The following L3MBTL3 variants were observed in gnomAD, a reference collection of about 807,000 sequenced individuals.
L3MBTL3 encodes lethal(3)malignant brain tumor-like protein 3.
Under a neutral mutation model 102.3 loss-of-function variants are expected in L3MBTL3, and 27 were observed. The ratio of observed to expected loss-of-function variants is 0.26; its 90% confidence interval spans 0.19 to 0.36. L3MBTL3 has a LOEUF of 0.36. Among genes scored for constraint, L3MBTL3 ranks in the 10% least tolerant of loss-of-function variants. The pLI, the probability that L3MBTL3 is intolerant of heterozygous loss-of-function variation, is 1.00. For synonymous variants in L3MBTL3, 340 were observed against 320.9 expected (o/e 1.06, Z -0.64); for missense variants, 798 against 955.3 (o/e 0.84, Z 2.17).
At chr6:130,113,199 C>G (rs1785458784) in intron 19 of L3MBTL3, among the ~76,000 whole-genome samples, 1 of 152,178 alleles carries the variant, frequency 6.6e-6, no homozygotes, top group Non-Finnish European at 1.5e-5. Context: ...TGAGGCACTG[C>G]TCCCGGAGGT....
intron 22 of L3MBTL3, chr6:130,138,291 C>T (rs1033657308): frequency 1.3e-5 from 2 of 152,150 alleles, no homozygotes; most frequent in South Asian, 2.1e-4. Context: ...AGAAATGCAT[C>T]GTCTCACAGT....
intron 3 of L3MBTL3, among the ~76,000 whole-genome samples, chr6:130,043,237 A>T (rs748085429): frequency 1.8e-4 from 28 of 152,234 alleles, no homozygotes; most frequent in Non-Finnish European, 3.7e-4. Context: ...ATGTTAAAGT[A>T]TTGAATAAAT....
chr6:130,128,432 A>G (rs796805408), intron 20 of L3MBTL3, among the ~76,000 whole-genome samples: 12 of 152,232 alleles, frequency 7.9e-5, no homozygotes, highest in African/African-American at 2.9e-4. Context: ...TTAAAGTACT[A>G]TTCTACCCAG....
chr6:130,102,054 G>C (rs1015900766), intron 18 of L3MBTL3, among the ~76,000 whole-genome samples: 15 of 151,716 alleles, frequency 9.9e-5, no homozygotes, highest in Non-Finnish European at 2.9e-5. Context: ...CACAATTTCT[G>C]ATATTACCCC....
chr6:130,021,013 G>T (rs1407910060), intron 1 of L3MBTL3, among the ~76,000 whole-genome samples: 1 of 152,044 alleles, frequency 6.6e-6, no homozygotes, highest in East Asian at 1.9e-4. Context: ...GGGCGAGTGC[G>T]TCCAGTTCTC....
intron 16 of L3MBTL3, among the ~76,000 whole-genome samples, chr6:130,091,638 A>T (rs1472651991): frequency 6.6e-6 from 1 of 152,128 alleles, no homozygotes; most frequent in Non-Finnish European, 1.5e-5. Context: ...GGATAAAGAG[A>T]AGTGGTATAT....
intron 2 of L3MBTL3, 82 bp from the exon 3 acceptor site, chr6:130,042,603 G>A (rs1449950124): frequency 2.6e-6 from 2 of 757,036 alleles, no homozygotes; most frequent in Non-Finnish European, 4.5e-6. Context: ...TGTAATTAAG[G>A]GAAACTGAAC....
At chr6:130,028,123 T>C (rs1779474095) in intron 2 of L3MBTL3, among the ~76,000 whole-genome samples, 2 of 151,988 alleles carry the variant, frequency 1.3e-5, no homozygotes, top group Admixed American at 6.6e-5. Context: ...GTTCCTTCTT[T>C]AGAGGAAGTA....
intron 2 of L3MBTL3, among the ~76,000 whole-genome samples, chr6:130,036,727 A>G (rs1780090904): frequency 6.6e-6 from 1 of 152,222 alleles, no homozygotes; most frequent in Non-Finnish European, 1.5e-5. Context: ...GTAAGCATGT[A>G]CTTTGAAGGT....
intron 18 of L3MBTL3, among the ~76,000 whole-genome samples, chr6:130,097,965 G>C (rs149230107): frequency 0.019 from 2,894 of 152,162 alleles, 95 homozygotes; most frequent in African/African-American, 0.066. Context: ...TACTCCGGAG[G>C]CTGAGGCAGG....
At chr6:130,046,028 G>A (rs1303287552) in intron 3 of L3MBTL3, among the ~76,000 whole-genome samples, 2 of 152,180 alleles carry the variant, frequency 1.3e-5, no homozygotes, top group Non-Finnish European at 2.9e-5. Flanking sequence ...GTAAGAACAG[G>A]GAGGTGACTA....
intron 20 of L3MBTL3, among the ~76,000 whole-genome samples, chr6:130,126,825 A>G (rs1028029662): frequency 2.0e-5 from 3 of 152,192 alleles, no homozygotes; most frequent in Non-Finnish European, 4.4e-5. Context: ...TAGGAGAAAG[A>G]GGCATACAGA....
intron 16 of L3MBTL3, 95 bp from the exon 17 acceptor site, chr6:130,092,650 G>A: frequency 1.4e-6 from 1 of 696,074 alleles, no homozygotes. Flanking sequence ...TCTACTGTAT[G>A]TGTTAGAATG....
Position 130,079,375 on chromosome 6 carries a change from CTCTT to C in L3MBTL3, c.1321+743_1321+746del, listed in dbSNP as rs1406743235. On this transcript the variant is annotated intron_variant, in intron 14 of 22. Transcript: ENST00000361794. Reference sequence around the variant, plus strand: ...AGAGCCTTCTCAGCTTATTTGCTGTCTCTTTAACGGGGAACAGTGTAACTGCTGA... The same window carrying C: ...AGAGCCTTCTCAGCTTATTTGCTGTCTAACGGGGAACAGTGTAACTGCTGA... Among the ~76,000 whole-genome samples, 17 of 152,268 alleles carry C rather than the reference CTCTT, an allele frequency of 1.1e-4. 2 individuals carry two copies. In the South Asian group the frequency reaches 1.7e-3, roughly 15 times the overall value.
chr6:130,021,643 A>C (rs1779022621), intron 1 of L3MBTL3, among the ~76,000 whole-genome samples: 1 of 152,186 alleles, frequency 6.6e-6, no homozygotes, highest in Non-Finnish European at 1.5e-5. Flanking sequence ...AATGGAAAAG[A>C]CCTTTAGTTG....
At chr6:130,040,801 G>C (rs1243417068) in intron 2 of L3MBTL3, among the ~76,000 whole-genome samples, 1 of 152,186 alleles carries the variant, frequency 6.6e-6, no homozygotes, top group Non-Finnish European at 1.5e-5. Context: ...GCATGTCAAA[G>C]TACTTCCCAT....
At chr6:130,028,407 C>T (rs919877414) in intron 2 of L3MBTL3, among the ~76,000 whole-genome samples, 2 of 152,162 alleles carry the variant, frequency 1.3e-5, no homozygotes, top group Non-Finnish European at 2.9e-5. Flanking sequence ...TGTTTAAAGG[C>T]AGCATGGATT....
chr6:130,080,272 A>G (rs534620760), intron 14 of L3MBTL3, among the ~76,000 whole-genome samples: 1 of 151,920 alleles, frequency 6.6e-6, no homozygotes, highest in South Asian at 2.1e-4. Context: ...GAAAAAAAAA[A>G]AAAGAAAGCA....
At chr6:130,104,274 G>T in intron 18 of L3MBTL3, 152 bp from the exon 19 acceptor site, 1 of 461,010 alleles carries the variant, frequency 2.2e-6, no homozygotes, top group Non-Finnish European at 3.7e-6. Flanking sequence ...GATAAAATAT[G>T]CTGTATGTAT....
Sources: allele counts gnomAD v4.1 joint callset (sites outside exome capture counted in the v4.1 genomes callset), GRCh38; gene constraint gnomAD v4.1.1; transcripts MANE v1.5; gene names NCBI Gene and HGNC (gene_info 2026-07-23, HGNC 2026-07-21).